The following C22orf15 variants were observed in gnomAD, a reference collection of about 807,000 sequenced individuals.
C22orf15 encodes uncharacterized protein C22orf15.
Under a neutral mutation model 20.3 loss-of-function variants are expected in C22orf15, and 21 were observed. The observed-to-expected ratio is 1.04, with a 90% CI of 0.74 to 1.49. The LOEUF (loss-of-function observed/expected upper bound fraction) is 1.49, where lower values mean the gene tolerates loss of function less well. C22orf15 is among the 40% of genes most tolerant of loss of function. The pLI, the probability that C22orf15 is intolerant of heterozygous loss-of-function variation, is 0.00. For missense variants in C22orf15, 170 were observed against 191.1 expected, an observed-to-expected ratio of 0.89 and a Z score of 0.65; for synonymous variants, 78 against 75.4, an observed-to-expected ratio of 1.03 and a Z score of -0.18.
chr22:23,765,106 C>G, intron 5 of C22orf15: 1 of 1,437,680 alleles, frequency 7.0e-7, no homozygotes, highest in Non-Finnish European at 9.1e-7. Flanking sequence ...CCCCACCACC[C>G]CACGGGAGTG....
chr22:23,765,238 G>A, intron 5 of C22orf15: 1 of 1,470,714 alleles, frequency 6.8e-7, no homozygotes, highest in Non-Finnish European at 9.0e-7. Context: ...CATGGTGTGT[G>A]ATGGCACGGC....
chr22:23,764,432 T>C (rs755979823), intron 3 of C22orf15, 35 bp downstream of exon 3: 1 of 1,597,218 alleles, frequency 6.3e-7, no homozygotes, highest in Non-Finnish European at 8.5e-7. Flanking sequence ...CCTGCAGCTA[T>C]GGTAGAATGT....
At chr22:23,763,727 G>A (rs1926104580) in intron 1 of C22orf15, among the ~76,000 whole-genome samples, 1 of 152,208 alleles carries the variant, frequency 6.6e-6, no homozygotes, top group Non-Finnish European at 1.5e-5. Flanking sequence ...GCCCTGTGCG[G>A]TAGCGGAAGG....
intron 1 of C22orf15, among the ~76,000 whole-genome samples, chr22:23,763,617 C>T (rs1209641436): frequency 6.6e-6 from 1 of 152,262 alleles, no homozygotes; most frequent in Non-Finnish European, 1.5e-5. Flanking sequence ...ACAATCTCTT[C>T]GCCATTCAAT....
In C22orf15 at chr22:23,764,872, T is replaced by C; in HGVS notation, c.405T>C (p.His135=). Reference sequence around the variant, plus strand: ...GTATGGGCACTCGGCGAGGCCGCCATGAGCAAAGCCCCACTTCAAGGCCCA... The same window carrying C: ...GTATGGGCACTCGGCGAGGCCGCCACGAGCAAAGCCCCACTTCAAGGCCCA... The part of the protein sequence containing the change: ...RKRMGTRRGR[H]EQSPTSRPRK... Residue 135 remains histidine (H), a synonymous_variant, in exon 5 of 6, where the codon CAT becomes CAC. Coordinates refer to ENST00000402217, the MANE Select transcript of C22orf15 (RefSeq NM_182520.3). 1.2e-6 allele frequency: 2 copies of C among 1,613,404 alleles called. No homozygotes were observed. Among genetic ancestry groups the C allele is most frequent in the South Asian group, 1.1e-5 (1 of 91,076 alleles).
rs1926699030 is a variant in C22orf15 at position 23,765,702 on chromosome 22, G to A, written c.436-19G>A. 3 of 1,547,810 alleles carry A rather than the reference G, an allele frequency of 1.9e-6. No individual in the cohort carries two copies. The highest frequency in any genetic ancestry group is 2.7e-5 in the African/African-American group (2 of 72,956). On this transcript the variant is annotated intron_variant, in intron 5 of 5. Transcript: ENST00000402217. ...TACCCACAGTGCAGATTGCAACAGGGCTCCTCCTCCCCACCCAGGGCCCTG... is the reference window on the plus strand; with the variant it reads ...TACCCACAGTGCAGATTGCAACAGGACTCCTCCTCCCCACCCAGGGCCCTG...
At chr22:23,765,386 GACA>G (rs967901170) in intron 5 of C22orf15, 53 of 1,550,960 alleles carry the variant, frequency 3.4e-5, no homozygotes, top group Non-Finnish European at 4.1e-5. Context: ...GGTGCAAACA[GACA>G]ACAACCCAGC....
At chr22:23,764,983 C>A (rs368585570) in intron 5 of C22orf15, 81 bp downstream of exon 5, 1 of 1,526,012 alleles carries the variant, frequency 6.6e-7, no homozygotes, top group Non-Finnish European at 8.8e-7. Flanking sequence ...ACAGAGACAC[C>A]CAGAGTGGGA....
At chr22:23,763,603 C>T (rs753523913) in intron 1 of C22orf15, among the ~76,000 whole-genome samples, 1 of 152,278 alleles carries the variant, frequency 6.6e-6, no homozygotes, top group Non-Finnish European at 1.5e-5. Flanking sequence ...GGTTTTTAAG[C>T]CGCACAATCT....
At chr22:23,764,750 C>T (rs1293871532) in intron 4 of C22orf15, 37 bp downstream of exon 4, 2 of 1,614,134 alleles carry the variant, frequency 1.2e-6, no homozygotes, top group South Asian at 1.1e-5. Context: ...GAGGGCACAC[C>T]TTCTCCCTAA....
chr22:23,764,889 C>G lies in C22orf15; in HGVS notation c.422C>G (p.Ser141Ter). ...GGCCGCCATGAGCAAAGCCCCACTTCAAGGCCCAGAAAGGTGAGCTCCCTG... is the reference window on the plus strand; with the variant it reads ...GGCCGCCATGAGCAAAGCCCCACTTGAAGGCCCAGAAAGGTGAGCTCCCTG... ...RRGRHEQSPT[S>*]RPRKGPD is the part of the protein sequence containing the mutation. Residue 141 changes from serine (S) to a stop codon, truncating the protein, a stop_gained, in exon 5 of 6, where the codon TCA becomes TGA. Transcript: ENST00000402217. LOFTEE classifies it high-confidence loss of function. 1.2e-6 allele frequency: 2 copies of G among 1,612,114 alleles called. No individual in the cohort carries two copies. Among genetic ancestry groups the G allele is most frequent in the Non-Finnish European group, 1.7e-6 (2 of 1,179,076 alleles).
intron 3 of C22orf15, 47 bp from the exon 4 acceptor site, chr22:23,764,592 C>T (rs1283023642): frequency 1.3e-6 from 2 of 1,597,684 alleles, no homozygotes; most frequent in Admixed American, 3.3e-5. Flanking sequence ...AGAGTAGGGA[C>T]CATTAGGCCA....
intron 3 of C22orf15, 116 bp downstream of exon 3, chr22:23,764,513 G>A (rs1457615462): frequency 7.0e-6 from 11 of 1,565,314 alleles, no homozygotes; most frequent in Non-Finnish European, 8.8e-6. Context: ...TGGGGACCTA[G>A]CCCCAATCCA....
intron 1 of C22orf15, among the ~76,000 whole-genome samples, chr22:23,763,589 A>T (rs757400803): frequency 6.6e-6 from 1 of 152,240 alleles, no homozygotes; most frequent in Non-Finnish European, 1.5e-5. Context: ...ATTACCCTGG[A>T]GCAGGTTTTT....
chr22:23,764,427 A>G, intron 3 of C22orf15, 30 bp downstream of exon 3: 1 of 1,591,360 alleles, frequency 6.3e-7, no homozygotes, highest in Non-Finnish European at 8.6e-7. Context: ...TCTCCCCTGC[A>G]GCTATGGTAG....
In C22orf15 at chr22:23,764,818, C is replaced by G. The variant is rs1335242158; in HGVS notation, c.351C>G (p.Leu117=). 6.2e-7 allele frequency: 1 copy of G among 1,613,946 alleles called. No individual in the cohort carries two copies. The highest frequency in any genetic ancestry group is 8.5e-7 in the Non-Finnish European group (1 of 1,180,002). The change falls in exon 5 of 6, where the codon CTC becomes CTG. Residue 117 remains leucine (L), a synonymous_variant. Transcript: ENST00000402217. The stretch of plus-strand genomic sequence containing the variant: ...AGGAACTGCGCAGGCTGTCAGGCCT[C>G]TCCTCTGTGGGCCACAACTGGAGGA... The part of the protein sequence containing the change: ...LAEELRRLSG[L]SSVGHNWRKR...
chr22:23,763,182 C>G lies in C22orf15; in HGVS notation c.-125C>G. 6 of 1,335,340 alleles carry G rather than the reference C, an allele frequency of 4.5e-6. No individual in the cohort carries two copies. In the South Asian group the frequency reaches 7.7e-5, roughly 17 times the overall value. 82.7% of individuals were successfully genotyped at this position (1,335,340 alleles called of 1,614,324 possible). ...GCCCTGGGACCCAGCCATCCACACT[C>G]ACACATCCACTTCTCCCTCCAGAGC... On this transcript the variant is annotated 5_prime_UTR_variant, in exon 1 of 6. Transcript: ENST00000402217.
At chr22:23,764,950 G>A (rs376590073) in intron 5 of C22orf15, 48 bp downstream of exon 5, 19 of 1,570,398 alleles carry the variant, frequency 1.2e-5, no homozygotes, top group South Asian at 2.3e-5. Flanking sequence ...AGGGAGCCAG[G>A]TACAGAGCAG....
Position 23,763,254 on chromosome 22 carries a change from A to C in C22orf15, c.-53A>C, listed in dbSNP as rs970189151. 5 of 1,548,610 alleles carry C rather than the reference A, an allele frequency of 3.2e-6. No homozygotes were observed. In the Admixed American group the frequency reaches 5.9e-5, roughly 18 times the overall value. On this transcript the variant is annotated 5_prime_UTR_variant, in exon 1 of 6. Transcript: ENST00000402217. ...GCTCCACGCTTTTCCTTAGTTGGGG[A>C]ATCGAGAGTTGGGGGATCAAAGCCC...
Sources: allele counts gnomAD v4.1 joint callset (sites outside exome capture counted in the v4.1 genomes callset), GRCh38; gene constraint gnomAD v4.1.1; transcripts MANE v1.5; gene names NCBI Gene and HGNC (gene_info 2026-07-23, HGNC 2026-07-21).